CSMD1: variants seen among roughly 807,000 people sequenced by gnomAD.
The protein encoded by CSMD1 is CUB and sushi domain-containing protein 1.
CSMD1 carries 213 observed loss-of-function variants against 417.5 expected under a neutral mutation model. The ratio of observed to expected loss-of-function variants is 0.51; its 90% CI spans 0.46 to 0.57. The LOEUF (loss-of-function observed/expected upper bound fraction) is 0.57. Ranked by LOEUF, CSMD1 falls within the 20% of genes least tolerant of loss-of-function variation. The pLI is 0.00. For missense variants in CSMD1, 6,923 were observed against 4,529.7 expected, an observed-to-expected ratio of 1.53 and a Z score of -15.17; for synonymous variants, 2,862 against 1,736.8, an observed-to-expected ratio of 1.65 and a Z score of -16.11.
At chr8:3,105,578 A>T (rs1816077393) in intron 46 of CSMD1, among the ~76,000 whole-genome samples, 1 of 152,250 alleles carries the variant, frequency 6.6e-6, no homozygotes, top group Non-Finnish European at 1.5e-5. Flanking sequence ...TTAAATCAAC[A>T]GATTCAGCCT....
At chr8:3,513,749 C>G (rs987157536) in intron 10 of CSMD1, among the ~76,000 whole-genome samples, 2 of 152,186 alleles carry the variant, frequency 1.3e-5, no homozygotes, top group African/African-American at 2.4e-5. Flanking sequence ...CATAATAGGT[C>G]AGCTGCAGAG....
chr8:4,071,867 G>A (rs1799576432), intron 3 of CSMD1, among the ~76,000 whole-genome samples: 2 of 152,086 alleles, frequency 1.3e-5, no homozygotes, highest in African/African-American at 2.4e-5. Context: ...GAACTCCTCT[G>A]TCCTCAGCTA....
chr8:3,016,587 C>G (rs1256274356), intron 52 of CSMD1, among the ~76,000 whole-genome samples: 1 of 152,186 alleles, frequency 6.6e-6, no homozygotes, highest in African/African-American at 2.4e-5. Context: ...AAATGAATTA[C>G]TCATGGTTTA....
At chr8:4,894,819 C>G (rs148540124) in intron 1 of CSMD1, among the ~76,000 whole-genome samples, 10 of 152,106 alleles carry the variant, frequency 6.6e-5, no homozygotes, top group South Asian at 6.2e-4. Context: ...ACAACTTGAT[C>G]TGTGCCAATT....
chr8:4,565,322 T>C (rs1798537751), intron 2 of CSMD1, among the ~76,000 whole-genome samples: 1 of 152,232 alleles, frequency 6.6e-6, no homozygotes, highest in African/African-American at 2.4e-5. Context: ...TAGGCAGTGA[T>C]GGCTAACCAG....
chr8:3,593,608 C>T (rs1800958486), intron 8 of CSMD1, among the ~76,000 whole-genome samples: 1 of 152,206 alleles, frequency 6.6e-6, no homozygotes, highest in African/African-American at 2.4e-5. Flanking sequence ...CTAATTTTAA[C>T]TCTTTTAAGA....
intron 5 of CSMD1, among the ~76,000 whole-genome samples, chr8:3,926,433 G>C (rs1049886901): frequency 6.7e-6 from 1 of 149,498 alleles, no homozygotes; most frequent in Non-Finnish European, 1.5e-5. Flanking sequence ...AGCTAATATA[G>C]AGTCTGTTAT....
chr8:4,256,881 C>T (rs1803495578), intron 3 of CSMD1, among the ~76,000 whole-genome samples: 1 of 152,178 alleles, frequency 6.6e-6, no homozygotes, highest in Non-Finnish European at 1.5e-5. Context: ...AGAATCGCTA[C>T]TGGACGATGT....
chr8:4,335,090 C>G (rs1048997282), intron 3 of CSMD1, among the ~76,000 whole-genome samples: 1 of 152,088 alleles, frequency 6.6e-6, no homozygotes, highest in African/African-American at 2.4e-5. Context: ...TGTGTAGAGA[C>G]AGAGCCACAC....
chr8:4,111,550 A>G lies in CSMD1; in HGVS notation c.416-79451T>C, dbSNP rs138488038. ...CCCATCACTGATAGACTGGATAAAG[A>G]AAATGCAGTTCACATACACCATGGA... On this transcript the variant is annotated intron_variant, in intron 3 of 69. Transcript: ENST00000635120. Among the ~76,000 whole-genome samples the G allele has an allele frequency of 4.0e-3, 603 of 152,346 alleles. 6 individuals are homozygous for G. Among genetic ancestry groups the G allele is most frequent in the African/African-American group, 0.014 (567 of 41,584 alleles).
At chr8:3,525,252 G>T (rs535398384) in intron 10 of CSMD1, among the ~76,000 whole-genome samples, 1 of 152,090 alleles carries the variant, frequency 6.6e-6, no homozygotes, top group Non-Finnish European at 1.5e-5. Flanking sequence ...CTGGAACTGA[G>T]GGTCCTTAAA....
intron 1 of CSMD1, among the ~76,000 whole-genome samples, chr8:4,723,702 G>C (rs1474636605): frequency 1.3e-5 from 2 of 149,656 alleles, no homozygotes; most frequent in South Asian, 4.3e-4. Context: ...TGATGAAAAT[G>C]TCCAGGTATA....
chr8:4,466,328 A>C (rs930598746), intron 2 of CSMD1, among the ~76,000 whole-genome samples: 2 of 152,134 alleles, frequency 1.3e-5, no homozygotes, highest in Non-Finnish European at 2.9e-5. Flanking sequence ...GGAAGAAAGA[A>C]AGGGAAGAAA....
intron 2 of CSMD1, among the ~76,000 whole-genome samples, chr8:4,468,782 T>C (rs1341755573): frequency 6.6e-6 from 1 of 152,194 alleles, no homozygotes; most frequent in Non-Finnish European, 1.5e-5. Context: ...ATGTCCTGTG[T>C]TTTTCATATA....
intron 11 of CSMD1, among the ~76,000 whole-genome samples, chr8:3,478,717 G>A (rs774917680): frequency 6.6e-6 from 1 of 152,116 alleles, no homozygotes; most frequent in Non-Finnish European, 1.5e-5. Context: ...CAGCACCACA[G>A]CAAATAAAAT....
chr8:3,686,237 C>A (rs371573472), intron 7 of CSMD1, among the ~76,000 whole-genome samples: 1 of 152,048 alleles, frequency 6.6e-6, no homozygotes, highest in Non-Finnish European at 1.5e-5. Flanking sequence ...TTACTGACTT[C>A]GTGGATAATC....
chr8:2,965,787 G>C lies in CSMD1; in HGVS notation c.9268C>G (p.Pro3090Ala). 6.2e-7 allele frequency: 1 copy of C among 1,605,716 alleles called. No individual in the cohort carries two copies. The highest frequency in any genetic ancestry group is 8.5e-7 in the Non-Finnish European group (1 of 1,175,914). Residue 3090 changes from proline to alanine, a missense_variant, in exon 59 of 70, where the codon CCT becomes GCT. By Grantham distance (27) the Pro-to-Ala change is conservative. Transcript: ENST00000635120. ...TCACCAAACAAACCTTTGCAGACAG[G>C]TTTGCTCGGATTCCACCTGCCGTCT... ...TKDGRWNPSK[P>A]VCKAVLCPQP...
intron 3 of CSMD1, among the ~76,000 whole-genome samples, chr8:4,122,120 C>T (rs973500530): frequency 6.6e-6 from 1 of 151,820 alleles, no homozygotes; most frequent in African/African-American, 2.4e-5. Context: ...TATAGGATAT[C>T]AGAGATACTT....
chr8:4,047,477 T>A (rs761037148), intron 3 of CSMD1, among the ~76,000 whole-genome samples: 1 of 152,174 alleles, frequency 6.6e-6, no homozygotes, highest in Admixed American at 6.5e-5. Context: ...CTAACTCAGA[T>A]TAGTGGTAGC....
Sources: allele counts gnomAD v4.1 joint callset (sites outside exome capture counted in the v4.1 genomes callset), GRCh38; gene constraint gnomAD v4.1.1; transcripts MANE v1.5; gene names NCBI Gene and HGNC (gene_info 2026-07-23, HGNC 2026-07-21).